The following ADAM9 variants were observed in gnomAD, a reference collection of about 807,000 sequenced individuals.
The protein encoded by ADAM9 is disintegrin and metalloproteinase domain-containing protein 9.
A neutral mutation model predicts 108.1 loss-of-function variants in ADAM9; 54 were observed. The ratio of observed to expected loss-of-function variants is 0.50; its 90% CI spans 0.40 to 0.63. The LOEUF (loss-of-function observed/expected upper bound fraction) is 0.63. ADAM9 is among the 20% of genes least tolerant of loss of function. ADAM9 has a pLI of 0.00. For missense variants in ADAM9, 830 were observed against 997.7 expected (o/e 0.83, Z 2.26); for synonymous variants, 316 against 336.0 (o/e 0.94, Z 0.65).
At chr8:39,010,177 T>C (rs1588328201) in intron 2 of ADAM9, among the ~76,000 whole-genome samples, 1 of 151,970 alleles carries the variant, frequency 6.6e-6, no homozygotes, top group East Asian at 1.9e-4. Flanking sequence ...AGGCAGATAC[T>C]TGGGGGAGGA....
At chr8:39,002,668 T>G (rs1251687685) in intron 1 of ADAM9, among the ~76,000 whole-genome samples, 1 of 152,126 alleles carries the variant, frequency 6.6e-6, no homozygotes, top group Non-Finnish European at 1.5e-5. Flanking sequence ...CTACAATTAC[T>G]ATTATGAAAA....
chr8:39,039,821 G>C (rs1405127233), intron 11 of ADAM9, among the ~76,000 whole-genome samples: 1 of 152,164 alleles, frequency 6.6e-6, no homozygotes, highest in Admixed American at 6.5e-5. Context: ...CTTGGCTAAT[G>C]CTGCACTGAA....
chr8:39,017,349 G>C lies in ADAM9; in HGVS notation c.541G>C (p.Asp181His), dbSNP rs1410343531. ...TCTGAAATGTGGAGTTTCCAACAAG[G>C]ATATAGAGAAAGAAACTGCAAAGGA... ...EPLKCGVSNK[D>H]IEKETAKDEE... The change falls in exon 6 of 22, where the codon GAT becomes CAT. Residue 181 changes from aspartate to histidine, a missense_variant. Asp to His is a moderately conservative substitution (Grantham distance 81, BLOSUM62 -1). Coordinates refer to ENST00000487273, the MANE Select transcript of ADAM9 (RefSeq NM_003816.3). 6 of 1,614,084 alleles carry C rather than the reference G, an allele frequency of 3.7e-6. No individual in the cohort carries two copies.
At chr8:39,059,649 A>G (rs762842966) in intron 14 of ADAM9, among the ~76,000 whole-genome samples, 6 of 152,260 alleles carry the variant, frequency 3.9e-5, no homozygotes, top group Non-Finnish European at 1.5e-5. Context: ...CAACCCAGTC[A>G]TGGGCCATAG....
chr8:39,021,740 G>C (rs760980922), intron 8 of ADAM9, 26 bp downstream of exon 8: 1 of 1,588,698 alleles, frequency 6.3e-7, no homozygotes, highest in African/African-American at 1.3e-5. Flanking sequence ...TATCAACCAG[G>C]ATGATTCTGT....
chr8:39,074,991 C>G (rs2129441729), intron 15 of ADAM9, among the ~76,000 whole-genome samples: 1 of 150,262 alleles, frequency 6.7e-6, no homozygotes, highest in Middle Eastern at 3.4e-3. Context: ...ACTGCAACCT[C>G]CACCTCCCAG....
At chr8:39,094,423 T>C (rs565329205) in intron 20 of ADAM9, among the ~76,000 whole-genome samples, 1 of 152,310 alleles carries the variant, frequency 6.6e-6, no homozygotes, top group East Asian at 1.9e-4. Context: ...GGTTTCAGGG[T>C]AATGCTGGCC....
intron 1 of ADAM9, among the ~76,000 whole-genome samples, chr8:38,998,542 G>T (rs1343711189): frequency 1.3e-5 from 2 of 152,208 alleles, no homozygotes; most frequent in South Asian, 2.1e-4. Context: ...TTCGGCATGT[G>T]TATGCCCCTT....
At chr8:39,100,041 G>A (rs916252414) in intron 20 of ADAM9, among the ~76,000 whole-genome samples, 16 of 151,732 alleles carry the variant, frequency 1.1e-4, no homozygotes, top group Middle Eastern at 3.4e-3. Context: ...CATCATGCCC[G>A]GGTGATTTTT....
chr8:38,997,297 G>C, intron 1 of ADAM9, 137 bp downstream of exon 1: 1 of 1,017,712 alleles, frequency 9.8e-7, no homozygotes, highest in South Asian at 1.5e-5. Context: ...GGCCGCTCCA[G>C]GTGTGTGCGG....
chr8:39,011,650 G>T lies in ADAM9; in HGVS notation c.196-8G>T. 1 of 1,606,544 alleles carries T rather than the reference G, an allele frequency of 6.2e-7. No homozygotes were observed. The highest frequency in any genetic ancestry group is 1.1e-5 in the South Asian group (1 of 90,890). On this transcript the variant is annotated splice_region_variant and splice_polypyrimidine_tract_variant and intron_variant, in intron 2 of 21. Transcript: ENST00000487273. ...ATGTTTTATTCTTTTCCCCTTCTGT[G>T]CATTTAGGTATCTTATGTTATTCAG...
chr8:39,050,824 G>T (rs1421832165), intron 12 of ADAM9, among the ~76,000 whole-genome samples: 4 of 137,732 alleles, frequency 2.9e-5, no homozygotes. Flanking sequence ...GGAAAAGCTT[G>T]GAAGTGTTTT....
At chr8:39,025,959 C>T (rs1836906672) in intron 10 of ADAM9, 75 bp downstream of exon 10, 2 of 1,403,210 alleles carry the variant, frequency 1.4e-6, no homozygotes, top group African/African-American at 1.4e-5. Context: ...TGTATACTTC[C>T]TCCCCTGGTC....
chr8:39,029,724 A>C (rs548893545), intron 11 of ADAM9, among the ~76,000 whole-genome samples: 3 of 152,288 alleles, frequency 2.0e-5, no homozygotes, highest in African/African-American at 7.2e-5. Context: ...CCCAGGTACA[A>C]ATCTCATTTG....
rs1839786725 is a variant in ADAM9, at chr8:39,104,072, C to A, written c.*372C>A. 1 of 464,804 alleles carries A rather than the reference C, an allele frequency of 2.2e-6. No individual in the cohort carries two copies. Among genetic ancestry groups the A allele is most frequent in the Non-Finnish European group, 4.3e-6 (1 of 234,420 alleles). 28.8% of individuals were successfully genotyped at this position (464,804 alleles called of 1,614,324 possible). On this transcript the variant is annotated 3_prime_UTR_variant, in exon 22 of 22. Transcript: ENST00000487273. ...TTTAAGTGTTATTCTGAATTTTCTA[C>A]CTTAGTTATCATTAATGTAGTTCCT...
At chr8:39,054,363 G>C in intron 12 of ADAM9, 118 bp from the exon 13 acceptor site, 1 of 864,392 alleles carries the variant, frequency 1.2e-6, no homozygotes, top group East Asian at 2.7e-5. Flanking sequence ...GTTTCTGGAG[G>C]GTAACTGCTA....
chr8:39,089,909 A>G, intron 18 of ADAM9, 138 bp from the exon 19 acceptor site: 1 of 953,768 alleles, frequency 1.0e-6, no homozygotes, highest in Non-Finnish European at 1.7e-6. Context: ...AACTTTGTGG[A>G]AGACTTCTCA....
At chr8:39,024,865 T>G (rs1836868301) in intron 9 of ADAM9, among the ~76,000 whole-genome samples, 1 of 152,190 alleles carries the variant, frequency 6.6e-6, no homozygotes, top group South Asian at 2.1e-4. Flanking sequence ...AGGTTGTGAT[T>G]AAAATTTTAG....
intron 21 of ADAM9, among the ~76,000 whole-genome samples, chr8:39,103,383 A>G (rs1839760859): frequency 6.6e-6 from 1 of 151,276 alleles, no homozygotes; most frequent in Non-Finnish European, 1.5e-5. Context: ...TTCATACAAC[A>G]TTGTTGATTA....
Sources: gnomAD v4.1 joint callset for allele counts (sites outside exome capture counted in the v4.1 genomes callset) on GRCh38, gnomAD v4.1.1 for gene constraint, MANE v1.5 for transcripts, NCBI Gene and HGNC (gene_info 2026-07-23, HGNC 2026-07-21) for gene names.